PTPRT: variants seen among roughly 807,000 people sequenced by gnomAD.
The protein encoded by PTPRT is receptor-type tyrosine-protein phosphatase T.
A neutral mutation model predicts 176.8 loss-of-function variants in PTPRT; 56 were observed. The ratio of observed to expected loss-of-function variants is 0.32; its 90% CI spans 0.26 to 0.40. PTPRT has a LOEUF of 0.40. PTPRT is among the 10% of genes least tolerant of loss of function. The probability of loss-of-function intolerance (pLI) is 1.00; values close to 1 mark genes in which losing one functional copy is unlikely to be tolerated. For synonymous variants in PTPRT, 783 were observed against 739.0 expected (o/e 1.06, Z -0.96); for missense variants, 1,540 against 1,908.2 (o/e 0.81, Z 3.60).
chr20:42,381,292 T>C (rs1246284155), intron 9 of PTPRT, among the ~76,000 whole-genome samples: 1 of 152,178 alleles, frequency 6.6e-6, no homozygotes, highest in Non-Finnish European at 1.5e-5. Flanking sequence ...ATGACTTGTA[T>C]TGGACAACAA....
chr20:43,042,761 T>C (rs1986668488), intron 1 of PTPRT, among the ~76,000 whole-genome samples: 2 of 109,488 alleles, frequency 1.8e-5, no homozygotes, highest in African/African-American at 3.3e-5. Context: ...CCACCCACCA[T>C]CTCTCCTCCC....
At chr20:42,996,936 C>T (rs1337233364) in intron 1 of PTPRT, among the ~76,000 whole-genome samples, 1 of 152,160 alleles carries the variant, frequency 6.6e-6, no homozygotes. Context: ...CTGGCATACT[C>T]TTCTGTAATA....
chr20:42,996,640 A>C (rs571867458), intron 1 of PTPRT, among the ~76,000 whole-genome samples: 5 of 152,260 alleles, frequency 3.3e-5, no homozygotes, highest in Non-Finnish European at 7.4e-5. Flanking sequence ...TTAGAAAAAA[A>C]TTCTTATCTA....
At chr20:42,085,006 C>A (rs916312746) in intron 28 of PTPRT, among the ~76,000 whole-genome samples, 161 bp from the exon 29 acceptor site, 2 of 152,174 alleles carry the variant, frequency 1.3e-5, no homozygotes, top group East Asian at 3.9e-4. Flanking sequence ...TCTATTCCTT[C>A]GTGTACACAG....
At chr20:43,137,785 C>T (rs1038246239) in intron 1 of PTPRT, among the ~76,000 whole-genome samples, 10 of 152,140 alleles carry the variant, frequency 6.6e-5, no homozygotes, top group Non-Finnish European at 1.0e-4. Flanking sequence ...CACACACGCG[C>T]GTACACACAC....
intron 2 of PTPRT, among the ~76,000 whole-genome samples, chr20:42,874,090 G>A (rs530107357): frequency 6.6e-6 from 1 of 152,280 alleles, no homozygotes; most frequent in Non-Finnish European, 1.5e-5. Flanking sequence ...AATGGTCCAC[G>A]AAGACATCGC....
intron 15 of PTPRT, among the ~76,000 whole-genome samples, chr20:42,208,118 G>T (rs903956309): frequency 3.1e-5 from 4 of 127,144 alleles, no homozygotes; most frequent in Admixed American, 8.0e-5. Flanking sequence ...CACCAGGCCT[G>T]CCCTAAAAGA....
At chr20:42,634,090 T>TA (rs1185690414) in intron 7 of PTPRT, among the ~76,000 whole-genome samples, 1 of 46,188 alleles carries the variant, frequency 2.2e-5, no homozygotes, top group Non-Finnish European at 3.7e-5. Context: ...ATATATAATA[T>TA]AATAATATAT....
At chr20:42,064,269 GTTAC>G in the PTPRT span, among the ~76,000 whole-genome samples, 17 of 152,038 alleles carry the variant, frequency 1.1e-4, no homozygotes, top group Non-Finnish European at 1.9e-4. Flanking sequence ...GTTTTTTCCA[GTTAC>G]TTACTAAAAG....
rs1011117177 is a variant in PTPRT, at chr20:43,139,412, C to T, written c.88+50234G>A. Among the ~76,000 whole-genome samples, 5 of 152,164 alleles carry T rather than the reference C, an allele frequency of 3.3e-5. No individual in the cohort carries two copies. The South Asian group carries it at 1.0e-3, about 32-fold the overall frequency. Reference sequence around the variant, plus strand: ...AGAATTAAAGGCCTTGGAGAAGCTCCGAGCAGTGCAAGTCCTGGGAGACCA... The same window carrying T: ...AGAATTAAAGGCCTTGGAGAAGCTCTGAGCAGTGCAAGTCCTGGGAGACCA... On this transcript the variant is annotated intron_variant, in intron 1 of 30. Coordinates refer to ENST00000373187, the MANE Select transcript of PTPRT (RefSeq NM_007050.6).
intron 17 of PTPRT, among the ~76,000 whole-genome samples, chr20:42,148,831 C>T (rs1020695328): frequency 2.0e-5 from 3 of 152,186 alleles, no homozygotes; most frequent in East Asian, 3.8e-4. Context: ...TTAATATGAG[C>T]GGCCTGATTC....
chr20:42,381,235 C>T (rs2058695627), intron 9 of PTPRT, among the ~76,000 whole-genome samples: 1 of 152,118 alleles, frequency 6.6e-6, no homozygotes. Context: ...CTTTTAGATT[C>T]ATTGTAGGGT....
chr20:42,503,760 T>C (rs1287348074), intron 7 of PTPRT, among the ~76,000 whole-genome samples: 7 of 152,144 alleles, frequency 4.6e-5, no homozygotes, highest in Admixed American at 2.0e-4. Context: ...TACAGAGATG[T>C]ATCTGGTATC....
intron 6 of PTPRT, among the ~76,000 whole-genome samples, chr20:42,696,777 C>T (rs972791453): frequency 6.6e-6 from 1 of 152,054 alleles, no homozygotes; most frequent in Non-Finnish European, 1.5e-5. Flanking sequence ...TGAAGTGAGT[C>T]TTCTGAAGAC....
At chr20:42,184,586 T>C (rs993646573) in intron 16 of PTPRT, among the ~76,000 whole-genome samples, 7 of 143,560 alleles carry the variant, frequency 4.9e-5, no homozygotes, top group Non-Finnish European at 1.1e-4. Context: ...CTTCTTCTTC[T>C]TCTTCTTCCT....
At chr20:42,648,820 G>GTTTT (rs68036487) in intron 7 of PTPRT, among the ~76,000 whole-genome samples, 5 of 111,834 alleles carry the variant, frequency 4.5e-5, no homozygotes, top group African/African-American at 1.9e-4. Context: ...TGGTGTCGTT[G>GTTTT]TTTTTTTTTT....
intron 12 of PTPRT, among the ~76,000 whole-genome samples, chr20:42,299,397 A>G (rs558351030): frequency 3.9e-5 from 6 of 152,226 alleles, no homozygotes; most frequent in Admixed American, 2.0e-4. Flanking sequence ...CGGTTTGCAT[A>G]TATTTAGACT....
intron 9 of PTPRT, among the ~76,000 whole-genome samples, chr20:42,408,678 C>T (rs1419387948): frequency 1.3e-5 from 2 of 151,596 alleles, no homozygotes; most frequent in Admixed American, 1.3e-4. Context: ...AACCTGATAA[C>T]AGACCAATCC....
chr20:43,068,461 C>T (rs1223109644), intron 1 of PTPRT, among the ~76,000 whole-genome samples: 1 of 147,468 alleles, frequency 6.8e-6, no homozygotes, highest in African/African-American at 2.5e-5. Context: ...GCCGAGACCG[C>T]GCCACTGCAC....
Sources: allele counts gnomAD v4.1 joint callset (sites outside exome capture counted in the v4.1 genomes callset), GRCh38; gene constraint gnomAD v4.1.1; transcripts MANE v1.5; gene names NCBI Gene and HGNC (gene_info 2026-07-23, HGNC 2026-07-21).